Variants in SFPQ observed in about 807,000 individuals in gnomAD.
SFPQ encodes the protein splicing factor proline and glutamine rich.
Under a neutral mutation model 72.9 loss-of-function variants are expected in SFPQ, and 11 were observed. The observed-to-expected ratio is 0.15, with a 90% CI of 0.09 to 0.25. The LOEUF (loss-of-function observed/expected upper bound fraction) is 0.25, where lower values mean the gene tolerates loss of function less well. SFPQ is among the 10% of genes least tolerant of loss of function. The probability of loss-of-function intolerance (pLI) is 1.00; values close to 1 mark genes in which losing one functional copy is unlikely to be tolerated. For synonymous variants in SFPQ, 506 were observed against 367.3 expected, an observed-to-expected ratio of 1.38 and a Z score of -4.32; for missense variants, 847 against 993.3, an observed-to-expected ratio of 0.85 and a Z score of 1.98.
chr1:35,183,503 C>T lies in SFPQ; in HGVS notation c.*953G>A. 1 of 998,052 alleles carries T rather than the reference C, an allele frequency of 1.0e-6. No homozygotes were observed. Among genetic ancestry groups the T allele is most frequent in the Non-Finnish European group, 1.2e-6 (1 of 832,852 alleles). The allele number at this position is 998,052 out of a possible 1,614,324, so 61.8% of individuals were successfully genotyped here. A position where few individuals can be genotyped will look rare whatever the true frequency, so the allele number is the denominator to read the frequency against. On this transcript the variant is annotated 3_prime_UTR_variant, in exon 10 of 10. Transcript: ENST00000357214. ...AAGTGCTGGGATTACAGGCGTGAGCCACCGCGCCCGGCCCAGTTACTAAAC... is the reference window on the plus strand; with the variant it reads ...AAGTGCTGGGATTACAGGCGTGAGCTACCGCGCCCGGCCCAGTTACTAAAC...
intron 4 of SFPQ, among the ~76,000 whole-genome samples, chr1:35,189,848 C>A (rs1639908442): frequency 6.6e-6 from 1 of 151,920 alleles, no homozygotes; most frequent in South Asian, 2.1e-4. Flanking sequence ...TATTCTGGAA[C>A]CCTGAGGCAG....
At chr1:35,185,825 T>C (rs1639687647) in intron 9 of SFPQ, among the ~76,000 whole-genome samples, 1 of 152,194 alleles carries the variant, frequency 6.6e-6, no homozygotes, top group Non-Finnish European at 1.5e-5. Flanking sequence ...AAGAAAAAGT[T>C]GGGGCTTTCA....
At chr1:35,191,109 A>ACCTTTAGGCAGCACCCACT in intron 2 of SFPQ, 114 bp from the exon 3 acceptor site, 1 of 989,040 alleles carries the variant, frequency 1.0e-6, no homozygotes, top group Non-Finnish European at 1.5e-6. Context: ...TTCGACCATT[A>ACCTTTAGGCAGCACCCACT]CCTTTAGGCA....
At chr1:35,186,918 A>AAAAACAAAAC in intron 9 of SFPQ, 83 bp downstream of exon 9, 1 of 1,461,684 alleles carries the variant, frequency 6.8e-7, no homozygotes, top group Non-Finnish European at 9.3e-7. Context: ...ACCTACTTAA[A>AAAAACAAAAC]AAAACAAAAC....
chr1:35,190,589 G>A lies in SFPQ; in HGVS notation c.1324C>T (p.Pro442Ser), dbSNP rs1474836038. 2.5e-6 allele frequency: 4 copies of A among 1,612,866 alleles called. No individual in the cohort carries two copies. The highest frequency in any genetic ancestry group is 3.4e-6 in the Non-Finnish European group (4 of 1,179,360). ...SEGVFLLTTT[P>S]RPVIVEPLEQ... The stretch of plus-strand genomic sequence containing the variant: ...AGTGGTTCCACAATGACTGGACGAG[G>A]AGTTCTAATAACAAAAATGGTTCCA... Residue 442 changes from proline to serine, a missense_variant, in exon 4 of 10, where the codon CCT becomes TCT. Coordinates refer to ENST00000357214, the MANE Select transcript of SFPQ (RefSeq NM_005066.3).
At position 35,192,266 on chromosome 1, in the gene SFPQ, C is replaced by G. The variant is rs761118374; in HGVS notation, c.784G>C (p.Gly262Arg). ...HQQHHQGPPP[G>R]GPGGRSEEKI... The stretch of plus-strand genomic sequence containing the variant: ...TCCTCGCTGCGGCCGCCGGGCCCGC[C>G]GGGCGGGGGCCCCTGGTGATGCTGC... The change falls in exon 1 of 10, where the codon GGC becomes CGC. Residue 262 changes from glycine (G) to arginine (R), a missense_variant. By Grantham distance (125) the Gly-to-Arg change is moderately radical (BLOSUM62 -2). Around this residue, in one of 6 missense-constraint regions of SFPQ, gnomAD observed 498 missense variants for 405.1 expected, o/e 1.23. Coordinates refer to ENST00000357214, the MANE Select transcript of SFPQ (RefSeq NM_005066.3). 1 of 1,463,356 alleles carries G rather than the reference C, an allele frequency of 6.8e-7. No homozygotes were observed. The highest frequency in any genetic ancestry group is 1.3e-5 in the South Asian group (1 of 76,874). 90.6% of individuals were successfully genotyped at this position (1,463,356 alleles called of 1,614,324 possible).
downstream of SFPQ, chr1:35,182,288 A>T: frequency 1.0e-6 from 1 of 985,296 alleles, no homozygotes; most frequent in Non-Finnish European, 1.2e-6. Flanking sequence ...ATTCCTTTCT[A>T]ATCAAGACCC....
chr1:35,176,829 G>C (rs1460892738), intron 5 of SFPQ, among the ~76,000 whole-genome samples: 1 of 147,376 alleles, frequency 6.8e-6, no homozygotes, highest in Non-Finnish European at 1.5e-5. Flanking sequence ...AGCCAAGACT[G>C]TGCACCACTG....
chr1:35,181,064 T>C, downstream of SFPQ: 2 of 1,065,054 alleles, frequency 1.9e-6, no homozygotes, highest in Admixed American at 1.1e-4. Flanking sequence ...GTCAGAAATG[T>C]GATGCCAGAA....
At chr1:35,186,078 G>GAA (rs111355131) in intron 9 of SFPQ, among the ~76,000 whole-genome samples, 3,263 of 152,184 alleles carry the variant, frequency 0.021, 140 homozygotes, top group East Asian at 0.17. Flanking sequence ...TTCCCAAAAA[G>GAA]TCTTAGGTAG....
Position 35,184,136 on chromosome 1 carries a change from A to G in SFPQ, c.*320T>C. On this transcript the variant is annotated 3_prime_UTR_variant, in exon 10 of 10. Transcript: ENST00000357214. ...AGATCAATATTATAACTATTTTTCT[A>G]TTTATTTGAAGCACAGTAAAAAAAA... 1 of 1,141,412 alleles carries G rather than the reference A, an allele frequency of 8.8e-7. No homozygotes were observed. Among genetic ancestry groups the G allele is most frequent in the South Asian group, 2.9e-5 (1 of 33,998 alleles). 70.7% of individuals were successfully genotyped at this position (1,141,412 alleles called of 1,614,324 possible).
Position 35,183,003 on chromosome 1 carries a change from G to A in SFPQ, c.*1453C>T. Reference sequence around the variant, plus strand: ...TGTGTAGCATGAGCAACTTTCTCCAGATTTAGTGCTACATGAAAACGAAAC... The same window carrying A: ...TGTGTAGCATGAGCAACTTTCTCCAAATTTAGTGCTACATGAAAACGAAAC... On this transcript the variant is annotated 3_prime_UTR_variant, in exon 10 of 10. Coordinates refer to ENST00000357214, the MANE Select transcript of SFPQ (RefSeq NM_005066.3). 1 of 1,038,282 alleles carries A rather than the reference G, an allele frequency of 9.6e-7. No homozygotes were observed. Among genetic ancestry groups the A allele is most frequent in the Non-Finnish European group, 1.2e-6 (1 of 862,416 alleles). 64.3% of individuals were successfully genotyped at this position (1,038,282 alleles called of 1,614,324 possible). A position where few individuals can be genotyped will look rare whatever the true frequency, so the allele number is the denominator to read the frequency against.
downstream of SFPQ, chr1:35,182,486 C>G (rs1639511103): frequency 1.0e-6 from 1 of 985,290 alleles, no homozygotes; most frequent in Admixed American, 6.2e-5. Context: ...AGTCATACAA[C>G]CAGTATTTGG....
rs1175249323 is a variant in SFPQ at position 35,184,564 on chromosome 1, C to T, written c.2016G>A (p.Ala672=). Residue 672 remains alanine, a synonymous_variant, in exon 10 of 10, where the codon GCG becomes GCA. Transcript: ENST00000357214. ...TAGGACCCTGTCCACCCACAGGCCCCGCACCTCCCTGCCCAAAGCGCTCAG... is the reference window on the plus strand; with the variant it reads ...TAGGACCCTGTCCACCCACAGGCCCTGCACCTCCCTGCCCAAAGCGCTCAG... The part of the protein sequence containing the change: ...MRTERFGQGG[A]GPVGGQGPRG... 16 of 1,608,422 alleles carry T rather than the reference C, an allele frequency of 9.9e-6. No individual in the cohort carries two copies. The highest frequency in any genetic ancestry group is 2.2e-5 in the East Asian group (1 of 44,584).
downstream of SFPQ, chr1:35,180,052 A>G (rs1275346815): frequency 1.9e-6 from 2 of 1,053,884 alleles, no homozygotes; most frequent in African/African-American, 1.7e-5. Flanking sequence ...ACTACATGTT[A>G]AAGTACAAGT....
chr1:35,180,801 T>C (rs1639436247), downstream of SFPQ: 14 of 985,280 alleles, frequency 1.4e-5, no homozygotes, highest in Non-Finnish European at 1.4e-5. Context: ...GCACCCTAGT[T>C]CCCAAGTATA....
chr1:35,183,132 C>T lies in SFPQ; in HGVS notation c.*1324G>A. 1 of 1,027,304 alleles carries T rather than the reference C, an allele frequency of 9.7e-7. No homozygotes were observed. Among genetic ancestry groups the T allele is most frequent in the Non-Finnish European group, 1.2e-6 (1 of 855,206 alleles). The allele number at this position is 1,027,304 out of a possible 1,614,324, so 63.6% of individuals were successfully genotyped here. Reference sequence around the variant, plus strand: ...AAGAGAACCAATAGATTTTTATAGTCCTATAGATTTTGCCCAACAGAAGTA... The same window carrying T: ...AAGAGAACCAATAGATTTTTATAGTTCTATAGATTTTGCCCAACAGAAGTA... On this transcript the variant is annotated 3_prime_UTR_variant, in exon 10 of 10. Coordinates refer to ENST00000357214, the MANE Select transcript of SFPQ (RefSeq NM_005066.3).
downstream of SFPQ, chr1:35,180,302 A>C: frequency 1.9e-6 from 2 of 1,048,032 alleles, no homozygotes; most frequent in Middle Eastern, 4.3e-4. Context: ...CTAAGCAACA[A>C]AAGTTGTGCT....
chr1:35,193,106 A>G lies in SFPQ; in HGVS notation c.-57T>C. ...CGAAGAAGACGCTCAGGAAACGTGG[A>G]GGCCACCTTGCTTCTCACAAAATGG... is the stretch of plus-strand genomic sequence containing the variant. On this transcript the variant is annotated 5_prime_UTR_variant, in exon 1 of 10. Transcript: ENST00000357214. 2.0e-6 allele frequency: 3 copies of G among 1,497,430 alleles called. No homozygotes were observed. Among genetic ancestry groups the G allele is most frequent in the South Asian group, 1.3e-5 (1 of 78,972 alleles). 92.8% of individuals were successfully genotyped at this position (1,497,430 alleles called of 1,614,324 possible).
Sources: gnomAD v4.1 joint callset for allele counts (sites outside exome capture counted in the v4.1 genomes callset) on GRCh38, gnomAD v4.1.1 for gene constraint, gnomAD v4.1.1 regional missense constraint, MANE v1.5 for transcripts, NCBI Gene and HGNC (gene_info 2026-07-23, HGNC 2026-07-21) for gene names.